The following BIRC6 variants were observed in gnomAD, a reference collection of about 807,000 sequenced individuals.
BIRC6 encodes baculoviral IAP repeat containing 6.
BIRC6 carries 98 observed loss-of-function variants against 503.3 expected under a neutral mutation model. The ratio of observed to expected loss-of-function variants is 0.19; its 90% CI spans 0.17 to 0.23. BIRC6 has a LOEUF of 0.23. Ranked by LOEUF, BIRC6 falls within the 10% of genes least tolerant of loss-of-function variation. The pLI, the probability that BIRC6 is intolerant of heterozygous loss-of-function variation, is 1.00. For missense variants in BIRC6, 5,360 were observed against 5,806.0 expected, an observed-to-expected ratio of 0.92 and a Z score of 2.50; for synonymous variants, 2,240 against 2,078.7, an observed-to-expected ratio of 1.08 and a Z score of -2.11.
chr2:32,451,661 G>A (rs2046744034), intron 22 of BIRC6, among the ~76,000 whole-genome samples: 1 of 152,178 alleles, frequency 6.6e-6, no homozygotes, highest in Admixed American at 6.5e-5. Flanking sequence ...AGGGAGATGT[G>A]AAGTTCAGTT....
intron 38 of BIRC6, among the ~76,000 whole-genome samples, chr2:32,482,178 A>G (rs1299249718): frequency 6.6e-6 from 1 of 152,186 alleles, no homozygotes; most frequent in African/African-American, 2.4e-5. Context: ...TCTTTGGTCC[A>G]TAAGAGATTT....
intron 71 of BIRC6, among the ~76,000 whole-genome samples, chr2:32,606,704 T>C (rs1319087388): frequency 2.0e-5 from 3 of 151,840 alleles, no homozygotes; most frequent in Non-Finnish European, 4.4e-5. Flanking sequence ...TAAGTGAGTA[T>C]TGTTAAGAGT....
intron 26 of BIRC6, among the ~76,000 whole-genome samples, chr2:32,466,991 C>T (rs566681047): frequency 3.3e-5 from 5 of 151,976 alleles, no homozygotes; most frequent in South Asian, 2.1e-4. Flanking sequence ...TGGCAGCGGG[C>T]GCCTGTAGTG....
In BIRC6 at chr2:32,561,737, A is replaced by T. The variant is rs565730487; in HGVS notation, c.13144+12256A>T. Among the ~76,000 whole-genome samples, 570 of 140,782 alleles carry T rather than the reference A, an allele frequency of 4.0e-3. 6 individuals are homozygous for T. Among genetic ancestry groups the T allele is most frequent in the South Asian group, 0.019 (84 of 4,506 alleles). The allele number at this position is 140,782 out of a possible 152,430, so 92.4% of individuals were successfully genotyped here. On this transcript the variant is annotated intron_variant, in intron 65 of 73. Coordinates refer to ENST00000421745, the MANE Select transcript of BIRC6 (RefSeq NM_016252.4). Reference sequence around the variant, plus strand: ...GCTTTAATCATGTATATATATATATATATTTATTTATTTATTTCTAGATTT... The same window carrying T: ...GCTTTAATCATGTATATATATATATTTATTTATTTATTTATTTCTAGATTT...
chr2:32,368,570 A>T (rs911043482), intron 1 of BIRC6, among the ~76,000 whole-genome samples: 5 of 152,044 alleles, frequency 3.3e-5, no homozygotes, highest in South Asian at 2.1e-4. Context: ...AATAAATAAA[A>T]AATAAAACAG....
intron 43 of BIRC6, among the ~76,000 whole-genome samples, chr2:32,490,653 CAT>C (rs1358856331): frequency 5.3e-5 from 8 of 152,102 alleles, no homozygotes. Flanking sequence ...ATGTTCAAAT[CAT>C]ATTTTTTACC....
intron 10 of BIRC6, among the ~76,000 whole-genome samples, chr2:32,424,299 A>G (rs945848354): frequency 6.6e-6 from 1 of 152,078 alleles, no homozygotes; most frequent in Non-Finnish European, 1.5e-5. Flanking sequence ...GTTTGATACT[A>G]TCCACAGTTT....
chr2:32,547,658 C>T (rs1438999629), intron 63 of BIRC6, among the ~76,000 whole-genome samples, 192 bp from the exon 64 acceptor site: 1 of 152,122 alleles, frequency 6.6e-6, no homozygotes, highest in East Asian at 1.9e-4. Flanking sequence ...TCTATTTCAG[C>T]ACCAGTTTTT....
chr2:32,508,349 CT>C, intron 51 of BIRC6, 90 bp downstream of exon 51: 1 of 1,286,014 alleles, frequency 7.8e-7, no homozygotes, highest in Non-Finnish European at 9.8e-7. Flanking sequence ...TGGGTTTTTT[CT>C]TTTTTAGGTC....
At chr2:32,365,276 T>G (rs2034722736) in intron 1 of BIRC6, among the ~76,000 whole-genome samples, 1 of 152,100 alleles carries the variant, frequency 6.6e-6, no homozygotes, top group South Asian at 2.1e-4. Flanking sequence ...TTAAATAAAC[T>G]GATACATACA....
chr2:32,587,371 A>G (rs1391882944), intron 66 of BIRC6, among the ~76,000 whole-genome samples: 2 of 152,180 alleles, frequency 1.3e-5, no homozygotes, highest in African/African-American at 4.8e-5. Context: ...TGGGCAACAG[A>G]ACGAGACTCC....
intron 11 of BIRC6, among the ~76,000 whole-genome samples, chr2:32,430,025 GAAA>G (rs1212808155): frequency 6.6e-6 from 1 of 152,094 alleles, no homozygotes. Flanking sequence ...ATAATGGAAA[GAAA>G]GAAGATTGAC....
rs535356557 is a variant in BIRC6 at position 32,587,029 on chromosome 2, A to C, written c.13356-6886A>C. On this transcript the variant is annotated intron_variant, in intron 66 of 73. Coordinates refer to ENST00000421745, the MANE Select transcript of BIRC6 (RefSeq NM_016252.4). Reference sequence around the variant, plus strand: ...CAAATAATAATTAGGTTTGTGTGTAAATGATTAATTAAAAATCAGAGCATG... The same window carrying C: ...CAAATAATAATTAGGTTTGTGTGTACATGATTAATTAAAAATCAGAGCATG... Among the ~76,000 whole-genome samples the C allele has an allele frequency of 1.2e-4, 19 of 152,300 alleles. No individual in the cohort carries two copies. The South Asian group carries it at 3.9e-3, about 32-fold the overall frequency.
intron 12 of BIRC6, 60 bp from the exon 13 acceptor site, chr2:32,433,584 T>C: frequency 1.4e-6 from 2 of 1,394,454 alleles, no homozygotes; most frequent in African/African-American, 2.8e-5. Context: ...TTAATGATAA[T>C]ATGGTTGTGG....
At chr2:32,392,481 C>T (rs2039353279) in intron 5 of BIRC6, among the ~76,000 whole-genome samples, 1 of 152,144 alleles carries the variant, frequency 6.6e-6, no homozygotes, top group African/African-American at 2.4e-5. Context: ...GTCTCAAACT[C>T]CTGACCTCAG....
chr2:32,524,705 C>T (rs2056104536), intron 57 of BIRC6, 183 bp from the exon 58 acceptor site: 1 of 300,884 alleles, frequency 3.3e-6, no homozygotes, highest in South Asian at 8.4e-5. Context: ...GTGAGTCTTC[C>T]TCATCAATGT....
chr2:32,510,630 G>T lies in BIRC6; in HGVS notation c.10342G>T (p.Asp3448Tyr). ...AACAACTCAGGATCCTGGTACAAAA[G>T]ACAGGTACGATTTTATTTTTCATTT... is the stretch of plus-strand genomic sequence containing the variant. ...LGTTQDPGTK[D>Y]RIQALLKWVS... The change falls in exon 53 of 74, where the codon GAC (aspartate) becomes TAC (tyrosine). Residue 3448 changes from aspartate to tyrosine, a missense_variant. By Grantham distance (160) the Asp-to-Tyr change is radical. Transcript: ENST00000421745. 6.4e-7 allele frequency: 1 copy of T among 1,567,166 alleles called. No homozygotes were observed. Among genetic ancestry groups the T allele is most frequent in the African/African-American group, 1.4e-5 (1 of 73,938 alleles).
At chr2:32,452,768 C>T (rs951448732) in intron 22 of BIRC6, among the ~76,000 whole-genome samples, 18 of 151,968 alleles carry the variant, frequency 1.2e-4, no homozygotes, top group Admixed American at 8.5e-4. Flanking sequence ...AAAAAAGTTG[C>T]GTTAATTCCT....
chr2:32,444,774 A>G (rs1435042700), intron 20 of BIRC6, among the ~76,000 whole-genome samples: 1 of 152,202 alleles, frequency 6.6e-6, no homozygotes, highest in African/African-American at 2.4e-5. Context: ...ATGCTTGTTT[A>G]GAGTTGTTGA....
Sources: gnomAD v4.1 joint callset for allele counts (sites outside exome capture counted in the v4.1 genomes callset) on GRCh38, gnomAD v4.1.1 for gene constraint, MANE v1.5 for transcripts, NCBI Gene and HGNC (gene_info 2026-07-23, HGNC 2026-07-21) for gene names.